LRRC7: variants seen among roughly 807,000 people sequenced by gnomAD.
The protein encoded by LRRC7 is leucine rich repeat containing 7.
In LRRC7, 23 loss-of-function variants were observed where a neutral mutation model predicts 175.7. The ratio of observed to expected loss-of-function variants is 0.13; its 90% CI spans 0.09 to 0.19. The LOEUF is 0.19. Ranked by LOEUF, LRRC7 falls within the 10% of genes least tolerant of loss-of-function variation. The pLI, the probability that LRRC7 is intolerant of heterozygous loss-of-function variation, is 1.00. For synonymous variants in LRRC7, 685 were observed against 680.9 expected, an observed-to-expected ratio of 1.01 and a Z score of -0.09; for missense variants, 1,354 against 1,904.7, an observed-to-expected ratio of 0.71 and a Z score of 5.38.
intron 2 of LRRC7, among the ~76,000 whole-genome samples, chr1:69,688,902 T>C (rs1408928044): frequency 2.6e-5 from 4 of 152,186 alleles, no homozygotes; most frequent in Non-Finnish European, 5.9e-5. Flanking sequence ...CTATATCTCA[T>C]ATTTTGCATA....
chr1:69,735,923 C>T (rs1385040159), intron 2 of LRRC7, among the ~76,000 whole-genome samples: 1 of 151,834 alleles, frequency 6.6e-6, no homozygotes, highest in Non-Finnish European at 1.5e-5. Flanking sequence ...ACTATTGGGT[C>T]ATGAATTTAT....
chr1:69,579,749 G>C (rs1340146542), intron 1 of LRRC7, among the ~76,000 whole-genome samples: 1 of 150,852 alleles, frequency 6.6e-6, no homozygotes, highest in African/African-American at 2.4e-5. Context: ...CCCAGCCATA[G>C]CCATATGACT....
chr1:69,901,291 C>T (rs567350363), intron 7 of LRRC7, among the ~76,000 whole-genome samples: 6 of 152,268 alleles, frequency 3.9e-5, no homozygotes, highest in Admixed American at 1.3e-4. Context: ...AAATAGAATA[C>T]ATAGGTGTTT....
chr1:70,092,398 G>A (rs1414612327), intron 25 of LRRC7, among the ~76,000 whole-genome samples: 1 of 152,096 alleles, frequency 6.6e-6, no homozygotes, highest in Non-Finnish European at 1.5e-5. Context: ...ATAAGTCATT[G>A]ATTAGGAATA....
chr1:69,796,287 A>C (rs541292535), intron 4 of LRRC7, among the ~76,000 whole-genome samples: 26 of 152,026 alleles, frequency 1.7e-4, no homozygotes, highest in African/African-American at 6.3e-4. Context: ...GTCCCTACAA[A>C]GGACATGACT....
intron 8 of LRRC7, among the ~76,000 whole-genome samples, chr1:69,953,212 T>C (rs1650132126): frequency 6.6e-6 from 1 of 151,988 alleles, no homozygotes; most frequent in Admixed American, 6.6e-5. Context: ...ATGTGCAGCA[T>C]GCTTCCTACC....
intron 4 of LRRC7, among the ~76,000 whole-genome samples, chr1:69,811,621 G>T (rs545454776): frequency 6.6e-6 from 1 of 152,186 alleles, no homozygotes; most frequent in African/African-American, 2.4e-5. Context: ...TCCTTTGCCG[G>T]GACCTGGATG....
At chr1:69,752,608 T>A (rs1443611235) in intron 2 of LRRC7, among the ~76,000 whole-genome samples, 3 of 152,044 alleles carry the variant, frequency 2.0e-5, no homozygotes, top group Non-Finnish European at 2.9e-5. Context: ...GCAAGATGAG[T>A]CTCTCTGTTA....
At chr1:69,800,429 T>C (rs780588819) in intron 4 of LRRC7, among the ~76,000 whole-genome samples, 31 of 152,132 alleles carry the variant, frequency 2.0e-4, no homozygotes, top group Non-Finnish European at 4.1e-4. Context: ...CACCAGTGTA[T>C]TGTAGTTTTC....
At chr1:69,741,515 G>T (rs1022373733) in intron 2 of LRRC7, among the ~76,000 whole-genome samples, 4 of 151,928 alleles carry the variant, frequency 2.6e-5, no homozygotes, top group Non-Finnish European at 5.9e-5. Context: ...GGAACTAGAG[G>T]CCAGACCACC....
chr1:69,868,838 G>A (rs150897115), intron 7 of LRRC7, among the ~76,000 whole-genome samples: 3 of 151,572 alleles, frequency 2.0e-5, no homozygotes, highest in Admixed American at 2.0e-4. Context: ...CTTGTGAATG[G>A]CCATCTTCTC....
At chr1:69,913,752 A>T (rs1225174718) in intron 7 of LRRC7, among the ~76,000 whole-genome samples, 1 of 152,104 alleles carries the variant, frequency 6.6e-6, no homozygotes, top group African/African-American at 2.4e-5. Context: ...ACCTCAGATG[A>T]TCCACCCACC....
At chr1:69,808,453 A>C (rs944722979) in intron 4 of LRRC7, among the ~76,000 whole-genome samples, 1 of 152,114 alleles carries the variant, frequency 6.6e-6, no homozygotes, top group Non-Finnish European at 1.5e-5. Context: ...AATCAACAGA[A>C]TATACATTCT....
intron 3 of LRRC7, among the ~76,000 whole-genome samples, chr1:69,789,062 T>G (rs1674818668): frequency 6.6e-6 from 1 of 152,156 alleles, no homozygotes; most frequent in African/African-American, 2.4e-5. Context: ...CCAAATGTAT[T>G]TTTATTTTCA....
intron 5 of LRRC7, 143 bp downstream of exon 5, chr1:69,825,969 A>G (rs1679864510): frequency 3.9e-6 from 2 of 511,040 alleles, no homozygotes; most frequent in South Asian, 9.1e-5. Flanking sequence ...AAAATTAATC[A>G]GAATAGTTTG....
At chr1:69,780,619 A>G (rs1673378429) in intron 3 of LRRC7, among the ~76,000 whole-genome samples, 2 of 151,616 alleles carry the variant, frequency 1.3e-5, no homozygotes, top group Admixed American at 1.3e-4. Flanking sequence ...TTACTCTCTT[A>G]TTACTTAGAG....
intron 8 of LRRC7, among the ~76,000 whole-genome samples, chr1:69,966,145 A>T (rs1651644423): frequency 1.3e-5 from 2 of 152,192 alleles, no homozygotes; most frequent in South Asian, 4.1e-4. Context: ...TCTCAATAAA[A>T]TATCATAATT....
chr1:69,963,337 A>C (rs537789711), intron 8 of LRRC7, among the ~76,000 whole-genome samples: 1 of 151,988 alleles, frequency 6.6e-6, no homozygotes, highest in Non-Finnish European at 1.5e-5. Flanking sequence ...AGAAACAAAG[A>C]AAAAGAAAAC....
intron 7 of LRRC7, among the ~76,000 whole-genome samples, chr1:69,891,629 G>A (rs2101644735): frequency 6.6e-6 from 1 of 152,274 alleles, no homozygotes; most frequent in East Asian, 1.9e-4. Flanking sequence ...CTACTCAGGA[G>A]GCTGAGGCAG....
Sources: gnomAD v4.1 joint callset for allele counts (sites outside exome capture counted in the v4.1 genomes callset) on GRCh38, gnomAD v4.1.1 for gene constraint, MANE v1.5 for transcripts, NCBI Gene and HGNC (gene_info 2026-07-23, HGNC 2026-07-21) for gene names.